Variants in PHTF2 observed in about 807,000 individuals in gnomAD.
PHTF2 encodes protein PHTF2.
Under a neutral mutation model 101.2 loss-of-function variants are expected in PHTF2, and 60 were observed. The observed-to-expected ratio is 0.59, with a 90% CI of 0.48 to 0.73. The LOEUF (loss-of-function observed/expected upper bound fraction) is 0.73, where lower values mean the gene tolerates loss of function less well. Among genes scored for constraint, PHTF2 ranks in the 30% least tolerant of loss-of-function variants. PHTF2 has a pLI of 0.00. For synonymous variants in PHTF2, 311 were observed against 307.3 expected (o/e 1.01, Z -0.13); for missense variants, 747 against 908.7 (o/e 0.82, Z 2.29).
At chr7:77,923,577 T>C in intron 11 of PHTF2, 3 of 985,426 alleles carry the variant, frequency 3.0e-6, no homozygotes, top group Non-Finnish European at 3.6e-6. Flanking sequence ...TTTCTGGTGA[T>C]TGTGGTTTTG....
At chr7:77,894,503 C>T (rs888716807) in intron 5 of PHTF2, among the ~76,000 whole-genome samples, 2 of 152,140 alleles carry the variant, frequency 1.3e-5, no homozygotes, top group Non-Finnish European at 2.9e-5. Flanking sequence ...ACTACTTAGT[C>T]ACTTGTAATA....
intron 16 of PHTF2, among the ~76,000 whole-genome samples, chr7:77,949,441 T>A (rs1806346243): frequency 6.6e-6 from 1 of 152,134 alleles, no homozygotes; most frequent in Non-Finnish European, 1.5e-5. Flanking sequence ...GTAATATTAT[T>A]TTTTAATCTG....
At chr7:77,943,169 G>A (rs983455985) in intron 16 of PHTF2, among the ~76,000 whole-genome samples, 4 of 151,940 alleles carry the variant, frequency 2.6e-5, no homozygotes, top group African/African-American at 9.7e-5. Context: ...TCGCGCAGGC[G>A]GAGTGCAGTG....
At chr7:77,905,284 G>A (rs920351684) in intron 7 of PHTF2, among the ~76,000 whole-genome samples, 1 of 151,992 alleles carries the variant, frequency 6.6e-6, no homozygotes, top group East Asian at 1.9e-4. Context: ...GGAGTGCAGT[G>A]GTGCGATCAT....
At chr7:77,947,288 G>C (rs377575439) in intron 16 of PHTF2, among the ~76,000 whole-genome samples, 2 of 152,026 alleles carry the variant, frequency 1.3e-5, no homozygotes, top group Non-Finnish European at 2.9e-5. Context: ...GAGGCTGAGC[G>C]CGGTGGCTCA....
intron 1 of PHTF2, among the ~76,000 whole-genome samples, chr7:77,804,212 G>C (rs910998426): frequency 2.0e-5 from 3 of 152,198 alleles, no homozygotes; most frequent in African/African-American, 7.2e-5. Flanking sequence ...ATTGTCTATT[G>C]TGTGTCTTTT....
chr7:77,918,495 C>G (rs1013827175), intron 9 of PHTF2, among the ~76,000 whole-genome samples: 1 of 152,184 alleles, frequency 6.6e-6, no homozygotes, highest in African/African-American at 2.4e-5. Flanking sequence ...TTTATAAATA[C>G]CTTTCCAGTA....
chr7:77,930,056 C>T (rs147896597), intron 12 of PHTF2, among the ~76,000 whole-genome samples: 3,111 of 150,934 alleles, frequency 0.021, 91 homozygotes, highest in African/African-American at 0.071. Flanking sequence ...CAGGTTCCAG[C>T]GATTCTCCTG....
chr7:77,835,649 G>A (rs1364534203), intron 1 of PHTF2, among the ~76,000 whole-genome samples: 8 of 152,182 alleles, frequency 5.3e-5, no homozygotes, highest in Non-Finnish European at 1.2e-4. Flanking sequence ...CCCCTGTGCT[G>A]TGGAAAATTT....
rs545516010 is a variant in PHTF2 at position 77,892,450 on chromosome 7, T to C, written c.148-1158T>C. Reference sequence around the variant, plus strand: ...ATGTGTAGATTAAAGGACTTTAGGGTAAATTATGTTGTGAGTCAGAAAATA... The same window carrying C: ...ATGTGTAGATTAAAGGACTTTAGGGCAAATTATGTTGTGAGTCAGAAAATA... On this transcript the variant is annotated intron_variant, in intron 3 of 19. Transcript: ENST00000416283. Among the ~76,000 whole-genome samples, 11 of 151,378 alleles carry C rather than the reference T, an allele frequency of 7.3e-5. 1 individual carries two copies. The highest frequency in any genetic ancestry group is 2.7e-4 in the African/African-American group (11 of 41,176).
At chr7:77,887,534 T>G (rs893697358) in intron 3 of PHTF2, among the ~76,000 whole-genome samples, 8 of 152,210 alleles carry the variant, frequency 5.3e-5, no homozygotes, top group African/African-American at 1.7e-4. Flanking sequence ...AAGACTTCAG[T>G]CTTCTCAGGG....
intron 18 of PHTF2, among the ~76,000 whole-genome samples, chr7:77,953,524 A>G (rs1364497042): frequency 6.6e-6 from 1 of 152,186 alleles, no homozygotes; most frequent in African/African-American, 2.4e-5. Flanking sequence ...AGCTTAAGGG[A>G]CAGAAATTGG....
chr7:77,940,438 CAAATA>C, intron 14 of PHTF2, 85 bp from the exon 14 acceptor site: 1 of 1,307,640 alleles, frequency 7.6e-7, no homozygotes, highest in Admixed American at 2.5e-5. Flanking sequence ...AGTACCTAAC[CAAATA>C]AAATCTTAAC....
chr7:77,848,056 C>T (rs936242783), intron 2 of PHTF2, among the ~76,000 whole-genome samples: 1 of 152,126 alleles, frequency 6.6e-6, no homozygotes, highest in Non-Finnish European at 1.5e-5. Flanking sequence ...TTTCTTACGA[C>T]GGAATACTAC....
chr7:77,865,985 A>T lies in PHTF2; in HGVS notation c.147+11151A>T, dbSNP rs1378419735. Among the ~76,000 whole-genome samples the T allele has an allele frequency of 2.6e-5, 4 of 152,000 alleles. No individual in the cohort carries two copies. The East Asian group carries it at 7.7e-4, about 29-fold the overall frequency. On this transcript the variant is annotated intron_variant, in intron 3 of 19. Transcript: ENST00000416283. ...GATCTCTTGAGGTCAGGAGTTCAAG[A>T]CCAGCCTGGCCAATATGGTGAAACC...
At chr7:77,850,665 A>G (rs1562873914) in intron 2 of PHTF2, among the ~76,000 whole-genome samples, 1 of 151,366 alleles carries the variant, frequency 6.6e-6, no homozygotes, top group South Asian at 2.1e-4. Flanking sequence ...AAAAAAGAAA[A>G]GTGATCTGTT....
At position 77,838,510 on chromosome 7, in the gene PHTF2, T is replaced by C. The variant is rs193274660; in HGVS notation, c.-35-1711T>C. ...AATATAAATACTTCTAGTTCCTAGA[T>C]TGGGGAATTTTTTATATGAAAATTG... On this transcript the variant is annotated intron_variant, in intron 1 of 19. Coordinates refer to ENST00000416283, the Ensembl canonical transcript of PHTF2. Among the ~76,000 whole-genome samples the C allele has an allele frequency of 2.0e-5, 3 of 152,324 alleles. No homozygotes were observed. In the East Asian group the frequency reaches 5.8e-4, roughly 29 times the overall value.
At chr7:77,859,269 A>T (rs1449653206) in intron 3 of PHTF2, among the ~76,000 whole-genome samples, 1 of 152,362 alleles carries the variant, frequency 6.6e-6, no homozygotes, top group South Asian at 2.1e-4. Context: ...GTTCCGGTGC[A>T]TGTGAATATT....
At chr7:77,842,226 A>G (rs1415846755) in intron 2 of PHTF2, among the ~76,000 whole-genome samples, 2 of 152,170 alleles carry the variant, frequency 1.3e-5, no homozygotes, top group Non-Finnish European at 2.9e-5. Flanking sequence ...TTTTTGAGAC[A>G]GGGTCTCACT....
Sources: allele counts gnomAD v4.1 joint callset (sites outside exome capture counted in the v4.1 genomes callset), GRCh38; gene constraint gnomAD v4.1.1; transcripts MANE v1.5; gene names NCBI Gene and HGNC (gene_info 2026-07-23, HGNC 2026-07-21).